The following PARP8 variants were observed in gnomAD, a reference collection of about 807,000 sequenced individuals.
PARP8 encodes protein mono-ADP-ribosyltransferase PARP8.
Under a neutral mutation model 124.1 loss-of-function variants are expected in PARP8, and 51 were observed. The ratio of observed to expected loss-of-function variants is 0.41; its 90% CI spans 0.33 to 0.52. The LOEUF (loss-of-function observed/expected upper bound fraction) is 0.52. PARP8 is among the 20% of genes least tolerant of loss of function. The pLI, the probability that PARP8 is intolerant of heterozygous loss-of-function variation, is 0.21. For synonymous variants in PARP8, 391 were observed against 361.5 expected (o/e 1.08, Z -0.93); for missense variants, 860 against 1,018.9 (o/e 0.84, Z 2.12).
chr5:50,829,688 C>T (rs902756070), intron 21 of PARP8, among the ~76,000 whole-genome samples: 1 of 152,078 alleles, frequency 6.6e-6, no homozygotes, highest in Admixed American at 6.5e-5. Context: ...GGATGGAAAA[C>T]ATTTATCAAG....
chr5:50,798,097 T>C (rs750257985), intron 14 of PARP8, among the ~76,000 whole-genome samples: 2 of 152,220 alleles, frequency 1.3e-5, no homozygotes, highest in Non-Finnish European at 2.9e-5. Flanking sequence ...CTTTCACTTA[T>C]TATAATGTTT....
chr5:50,772,596 A>T (rs1426031149), intron 7 of PARP8, among the ~76,000 whole-genome samples: 1 of 152,162 alleles, frequency 6.6e-6, no homozygotes, highest in Non-Finnish European at 1.5e-5. Flanking sequence ...CATTGCCCTG[A>T]TGATTAGTGA....
intron 2 of PARP8, among the ~76,000 whole-genome samples, chr5:50,705,346 A>G (rs1754025203): frequency 6.6e-6 from 1 of 152,222 alleles, no homozygotes; most frequent in African/African-American, 2.4e-5. Flanking sequence ...ATAGAAGTAT[A>G]TTATTTCAAG....
chr5:50,667,731 C>T (rs1579875098), intron 1 of PARP8: 28 of 702,660 alleles, frequency 4.0e-5, no homozygotes, highest in Middle Eastern at 7.3e-4. Flanking sequence ...GCACCCAGCG[C>T]CCCTGCCTGG....
intron 2 of PARP8, among the ~76,000 whole-genome samples, chr5:50,684,275 G>T (rs1176533010): frequency 2.6e-5 from 4 of 152,082 alleles, no homozygotes; most frequent in Admixed American, 2.6e-4. Context: ...TTATTTCTCA[G>T]TTTGGGTTTG....
intron 15 of PARP8, among the ~76,000 whole-genome samples, chr5:50,817,623 C>T (rs1745248748): frequency 6.6e-6 from 1 of 152,132 alleles, no homozygotes; most frequent in Admixed American, 6.6e-5. Context: ...AGAATAGTTC[C>T]ATTTTATTTG....
At chr5:50,724,943 A>G (rs1756270239) in intron 2 of PARP8, among the ~76,000 whole-genome samples, 1 of 151,736 alleles carries the variant, frequency 6.6e-6, no homozygotes, top group Admixed American at 6.6e-5. Flanking sequence ...TTAAGTGAAA[A>G]CGTATGGTTT....
intron 2 of PARP8, chr5:50,742,009 C>T (rs1426907287): frequency 6.3e-6 from 2 of 316,562 alleles, no homozygotes; most frequent in Admixed American, 4.5e-5. Context: ...AGGGTTTTGC[C>T]ATATTGGCCA....
chr5:50,811,302 C>T (rs1170865879), intron 14 of PARP8, among the ~76,000 whole-genome samples: 3 of 151,462 alleles, frequency 2.0e-5, no homozygotes, highest in African/African-American at 7.3e-5. Flanking sequence ...GGTTGGGGGG[C>T]ACTGAAACAG....
chr5:50,776,879 A>G (rs1393302056), intron 7 of PARP8, among the ~76,000 whole-genome samples: 1 of 152,316 alleles, frequency 6.6e-6, no homozygotes, highest in Admixed American at 6.5e-5. Flanking sequence ...ACCATACTTG[A>G]CACAGTTTTA....
intron 9 of PARP8, among the ~76,000 whole-genome samples, chr5:50,783,158 T>G (rs1372961195): frequency 2.7e-5 from 4 of 145,672 alleles, no homozygotes; most frequent in South Asian, 4.4e-4. Flanking sequence ...GAAAGAGAGA[T>G]AAGGGAATAG....
At chr5:50,704,191 G>A (rs2149479470) in intron 2 of PARP8, among the ~76,000 whole-genome samples, 2 of 152,110 alleles carry the variant, frequency 1.3e-5, no homozygotes, top group Non-Finnish European at 2.9e-5. Context: ...GAAACTTGAG[G>A]CACATCTAAG....
intron 2 of PARP8, among the ~76,000 whole-genome samples, chr5:50,707,585 C>A (rs1580036431): frequency 6.8e-6 from 1 of 147,340 alleles, no homozygotes. Context: ...GAAGATATTC[C>A]AAGGAGATAT....
At position 50,761,895 on chromosome 5, in the gene PARP8, G is replaced by A. The variant is rs282547; in HGVS notation, c.420G>A (p.Gly140=). ...ATTCCGAAGAATTTTATTACGGAGG[G>A]CAGGTAAGGAAACCTGGTCTTCCAA... ...DNDSEEFYYG[G]QVNYDGELHK... Residue 140 remains glycine (G), a synonymous_variant, in exon 6 of 26, where the codon GGG becomes GGA. Transcript: ENST00000281631. 945,691 of 1,582,178 alleles carry A rather than the reference G, an allele frequency of 0.6. 291,641 individuals are homozygous for A. Among genetic ancestry groups the A allele is most frequent in the Non-Finnish European group, 0.63 (728,098 of 1,155,400 alleles).
intron 2 of PARP8, among the ~76,000 whole-genome samples, chr5:50,677,206 C>T (rs746600865): frequency 1.3e-4 from 19 of 151,292 alleles, no homozygotes; most frequent in African/African-American, 2.7e-4. Flanking sequence ...AGAAGAGACT[C>T]GTAGATATTG....
intron 2 of PARP8, among the ~76,000 whole-genome samples, chr5:50,678,435 G>A (rs1750885218): frequency 6.6e-6 from 1 of 151,932 alleles, no homozygotes; most frequent in African/African-American, 2.4e-5. Context: ...AACATACCAA[G>A]ATAACATTCT....
At chr5:50,688,944 T>C (rs576676873) in intron 2 of PARP8, among the ~76,000 whole-genome samples, 67 of 152,248 alleles carry the variant, frequency 4.4e-4, no homozygotes, top group African/African-American at 1.6e-3. Context: ...GGACAGATAG[T>C]ATCACTGAGT....
At chr5:50,671,661 T>G (rs993801797) in intron 2 of PARP8, among the ~76,000 whole-genome samples, 3 of 152,104 alleles carry the variant, frequency 2.0e-5, no homozygotes, top group Non-Finnish European at 2.9e-5. Context: ...ATCCCCAAAT[T>G]GTATTAATAC....
At chr5:50,789,909 A>G (rs16885842) in intron 10 of PARP8, among the ~76,000 whole-genome samples, 31,250 of 152,140 alleles carry the variant, frequency 0.21, 3,393 homozygotes, top group South Asian at 0.34. Context: ...TCTAAGGGAA[A>G]ACATATTGGA....
Sources: allele counts gnomAD v4.1 joint callset (sites outside exome capture counted in the v4.1 genomes callset), GRCh38; gene constraint gnomAD v4.1.1; transcripts MANE v1.5; gene names NCBI Gene and HGNC (gene_info 2026-07-23, HGNC 2026-07-21).